The following FAM83B variants were observed in gnomAD, a reference collection of about 807,000 sequenced individuals.
FAM83B encodes protein FAM83B.
FAM83B carries 26 observed loss-of-function variants against 38.8 expected under a neutral mutation model. That is an observed-to-expected ratio of 0.67 (90% CI 0.49 to 0.93). The LOEUF (loss-of-function observed/expected upper bound fraction) is 0.93, where lower values mean the gene tolerates loss of function less well. Ranked by LOEUF, FAM83B falls within the 40% of genes least tolerant of loss-of-function variation. The pLI, the probability that FAM83B is intolerant of heterozygous loss-of-function variation, is 0.00. For missense variants in FAM83B, 1,237 were observed against 1,197.3 expected (o/e 1.03, Z -0.49); for synonymous variants, 419 against 423.1 (o/e 0.99, Z 0.12).
Position 54,941,683 on chromosome 6 carries a change from A to G in FAM83B, c.2712A>G (p.Ala904=). 1 of 1,614,112 alleles carries G rather than the reference A, an allele frequency of 6.2e-7. No individual in the cohort carries two copies. Among genetic ancestry groups the G allele is most frequent in the Non-Finnish European group, 8.5e-7 (1 of 1,180,008 alleles). ...IQYRDSREIN[A]VVTPERRPTS... ...ACCGAGATTCAAGGGAGATTAATGC[A>G]GTTGTTACCCCTGAAAGAAGACCTA... The change falls in exon 5 of 5, where the codon GCA becomes GCG. Residue 904 remains alanine, a synonymous_variant. Coordinates refer to ENST00000306858, the MANE Select transcript of FAM83B (RefSeq NM_001010872.3).
At chr6:54,870,798 C>T in intron 2 of FAM83B, 108 bp downstream of exon 2, 3 of 1,065,750 alleles carry the variant, frequency 2.8e-6, no homozygotes, top group Admixed American at 2.9e-5. Context: ...ATGTATAGGC[C>T]ATGCCTATTG....
chr6:54,905,166 G>A (rs1057082062), intron 2 of FAM83B, among the ~76,000 whole-genome samples: 35 of 152,038 alleles, frequency 2.3e-4, no homozygotes, highest in Admixed American at 8.5e-4. Flanking sequence ...TTTATTTGCT[G>A]CAAAGAAAAT....
intron 2 of FAM83B, among the ~76,000 whole-genome samples, chr6:54,889,777 T>A (rs1383062826): frequency 1.3e-5 from 2 of 152,096 alleles, no homozygotes; most frequent in East Asian, 3.9e-4. Flanking sequence ...CTTCATAAAC[T>A]TAGAGAATGA....
intron 2 of FAM83B, among the ~76,000 whole-genome samples, chr6:54,873,365 A>T (rs1435707033): frequency 1.3e-5 from 2 of 152,232 alleles, no homozygotes; most frequent in South Asian, 2.1e-4. Context: ...TTAAAAAATT[A>T]AGATTATTTA....
intron 2 of FAM83B, among the ~76,000 whole-genome samples, chr6:54,912,420 CAA>C (rs1309587736): frequency 4.0e-5 from 4 of 101,170 alleles, no homozygotes; most frequent in African/African-American, 3.7e-5. Flanking sequence ...TTTCCCCAGC[CAA>C]AAAAAAAAAA....
rs573413192 is a variant in FAM83B at position 54,907,430 on chromosome 6, A to G, written c.445-18941A>G. Reference sequence around the variant, plus strand: ...AAATTCAGTGAGTAAGTTTTTGAGTAACATTAGTAACCATTCTCAGAAACC... The same window carrying G: ...AAATTCAGTGAGTAAGTTTTTGAGTGACATTAGTAACCATTCTCAGAAACC... On this transcript the variant is annotated intron_variant, in intron 2 of 4. Transcript: ENST00000306858. 2.0e-5 allele frequency among the ~76,000 whole-genome samples: 3 copies of G among 152,230 alleles called. No homozygotes were observed. The South Asian group carries it at 6.2e-4, about 32-fold the overall frequency.
At chr6:54,909,640 G>A (rs1040433886) in intron 2 of FAM83B, among the ~76,000 whole-genome samples, 2 of 152,002 alleles carry the variant, frequency 1.3e-5, no homozygotes, top group Admixed American at 1.3e-4. Flanking sequence ...TAATTGGATG[G>A]GATACAGCAA....
At chr6:54,936,765 A>C (rs1396017235) in intron 4 of FAM83B, among the ~76,000 whole-genome samples, 1 of 151,646 alleles carries the variant, frequency 6.6e-6, no homozygotes. Context: ...AAAATATTGC[A>C]GAACTTCACT....
chr6:54,932,465 T>A (rs1231614781), intron 4 of FAM83B, among the ~76,000 whole-genome samples: 3 of 152,212 alleles, frequency 2.0e-5, no homozygotes, highest in Non-Finnish European at 4.4e-5. Context: ...TGAACACAGA[T>A]TTAAAGTTAC....
At chr6:54,937,577 T>C (rs239794) in intron 4 of FAM83B, among the ~76,000 whole-genome samples, 105,265 of 151,948 alleles carry the variant, frequency 0.69, 38,460 homozygotes, top group African/African-American at 0.91. Context: ...AGTCTGAAAA[T>C]TTACCGACTC....
intron 2 of FAM83B, among the ~76,000 whole-genome samples, chr6:54,885,691 A>C (rs537240362): frequency 2.6e-5 from 4 of 152,150 alleles, no homozygotes; most frequent in African/African-American, 9.6e-5. Context: ...ATACAAAACC[A>C]TCATTCTCAG....
rs767423215 is a variant in FAM83B, at chr6:54,870,660, T to C, written c.414T>C (p.Thr138=). 6 of 1,596,144 alleles carry C rather than the reference T, an allele frequency of 3.8e-6. No individual in the cohort carries two copies. Among genetic ancestry groups the C allele is most frequent in the African/African-American group, 1.4e-5 (1 of 73,672 alleles). The change falls in exon 2 of 5, where the codon ACT becomes ACC. Residue 138 remains threonine, a synonymous_variant. Coordinates refer to ENST00000306858, the MANE Select transcript of FAM83B (RefSeq NM_001010872.3). ...PRAHLLTIKE[T]IRKMIKEARK... is the part of the protein sequence containing the mutation. The stretch of plus-strand genomic sequence containing the variant: ...CACATCTACTTACGATAAAAGAAAC[T>C]ATTCGGAAGATGATAAAAGAAGCAA...
At chr6:54,859,819 A>T (rs1415214055) in intron 1 of FAM83B, among the ~76,000 whole-genome samples, 2 of 152,196 alleles carry the variant, frequency 1.3e-5, no homozygotes, top group Non-Finnish European at 2.9e-5. Flanking sequence ...TCAAACTTTG[A>T]TATGCAGGGT....
chr6:54,903,383 G>A (rs1179719884), intron 2 of FAM83B, among the ~76,000 whole-genome samples: 2 of 152,172 alleles, frequency 1.3e-5, no homozygotes, highest in Non-Finnish European at 2.9e-5. Context: ...AACATTGCCA[G>A]ATTGCCATTT....
At chr6:54,889,659 G>T (rs1204894046) in intron 2 of FAM83B, among the ~76,000 whole-genome samples, 1 of 152,024 alleles carries the variant, frequency 6.6e-6, no homozygotes. Context: ...TCCAAAATTT[G>T]TATTTTTTTA....
rs563774943 is a variant in FAM83B, at chr6:54,942,657, G to A, written c.*650G>A. Among the ~76,000 whole-genome samples the A allele has an allele frequency of 6.7e-6, 1 of 149,318 alleles. No individual in the cohort carries two copies. Among genetic ancestry groups the A allele is most frequent in the East Asian group, 1.9e-4 (1 of 5,144 alleles). ...TTTATTTTCCTCAGCCTTTGAAAAC[G>A]GTCTGGGATGTGCTTCTTTCTACAC... On this transcript the variant is annotated 3_prime_UTR_variant, in exon 5 of 5. Transcript: ENST00000306858.
chr6:54,884,246 G>A lies in FAM83B; in HGVS notation c.444+13556G>A, dbSNP rs183473733. ...GAATCTAGGAGGCGGAGGTTGCAGT[G>A]AGCTGAGATCGCGCCACTGCACTCC... On this transcript the variant is annotated intron_variant, in intron 2 of 4. Coordinates refer to ENST00000306858, the MANE Select transcript of FAM83B (RefSeq NM_001010872.3). Among the ~76,000 whole-genome samples, 356 of 146,192 alleles carry A rather than the reference G, an allele frequency of 2.4e-3. 2 individuals are homozygous for A. The highest frequency in any genetic ancestry group is 8.6e-3 in the African/African-American group (336 of 39,290).
At chr6:54,912,628 T>C (rs901335480) in intron 2 of FAM83B, among the ~76,000 whole-genome samples, 2 of 151,980 alleles carry the variant, frequency 1.3e-5, no homozygotes, top group African/African-American at 4.8e-5. Flanking sequence ...TTATCGTTAG[T>C]TGTTAAATAC....
intron 2 of FAM83B, 26 bp from the exon 3 acceptor site, chr6:54,926,345 T>C (rs941283172): frequency 6.9e-7 from 1 of 1,445,864 alleles, no homozygotes; most frequent in South Asian, 1.4e-5. Flanking sequence ...GGATCTAAAA[T>C]TGTTTCATAT....
Sources: gnomAD v4.1 joint callset for allele counts (sites outside exome capture counted in the v4.1 genomes callset) on GRCh38, gnomAD v4.1.1 for gene constraint, MANE v1.5 for transcripts, NCBI Gene and HGNC (gene_info 2026-07-23, HGNC 2026-07-21) for gene names.